PUM3: variants seen among roughly 807,000 people sequenced by gnomAD.
The protein encoded by PUM3 is pumilio homolog 3.
Under a neutral mutation model 84.0 loss-of-function variants are expected in PUM3, and 91 were observed. The observed-to-expected ratio is 1.08, with a 90% CI of 0.91 to 1.29. The LOEUF (loss-of-function observed/expected upper bound fraction) is 1.29, where lower values mean the gene tolerates loss of function less well. Ranked by LOEUF, PUM3 falls within the 50% of genes most tolerant of loss-of-function variation. PUM3 has a pLI of 0.00. For synonymous variants in PUM3, 321 were observed against 266.7 expected (o/e 1.20, Z -1.98); for missense variants, 1,067 against 767.5 (o/e 1.39, Z -4.61).
chr9:2,841,659 C>G (rs180896116), intron 1 of PUM3, among the ~76,000 whole-genome samples: 69 of 150,546 alleles, frequency 4.6e-4, no homozygotes, highest in Non-Finnish European at 8.8e-5. Context: ...GTTTTACTTG[C>G]TAACTTTAGC....
intron 12 of PUM3, among the ~76,000 whole-genome samples, chr9:2,821,427 G>C (rs1179624833): frequency 1.1e-5 from 1 of 88,906 alleles, no homozygotes; most frequent in Non-Finnish European, 2.1e-5. Context: ...CTGGGCGACA[G>C]AGCAAGACTC....
chr9:2,819,172 T>G (rs1229942509), intron 13 of PUM3, among the ~76,000 whole-genome samples: 1 of 152,234 alleles, frequency 6.6e-6, no homozygotes, highest in Non-Finnish European at 1.5e-5. Flanking sequence ...CCCACCCTGC[T>G]GCAACCTCTA....
intron 12 of PUM3, among the ~76,000 whole-genome samples, chr9:2,823,548 T>C (rs1757121866): frequency 6.6e-6 from 1 of 151,936 alleles, no homozygotes; most frequent in Non-Finnish European, 1.5e-5. Context: ...CTAATAAAAG[T>C]AGAGAACTAT....
chr9:2,808,406 C>T (rs1009340810), intron 16 of PUM3, among the ~76,000 whole-genome samples: 55 of 152,338 alleles, frequency 3.6e-4, no homozygotes, highest in African/African-American at 1.0e-3. Context: ...CTCTTTACAA[C>T]GCTTACATAC....
At chr9:2,829,319 G>C (rs903193366) in intron 8 of PUM3, among the ~76,000 whole-genome samples, 2 of 152,154 alleles carry the variant, frequency 1.3e-5, no homozygotes, top group Non-Finnish European at 2.9e-5. Context: ...CTCTATCCAA[G>C]GTTAGGTCTC....
intron 10 of PUM3, among the ~76,000 whole-genome samples, chr9:2,826,533 C>T (rs1472379048): frequency 6.6e-6 from 1 of 152,156 alleles, no homozygotes; most frequent in Non-Finnish European, 1.5e-5. Flanking sequence ...GGACAATGAG[C>T]TCACTGTATG....
At chr9:2,826,129 T>C (rs1815813766) in intron 10 of PUM3, among the ~76,000 whole-genome samples, 3 of 151,754 alleles carry the variant, frequency 2.0e-5, no homozygotes, top group African/African-American at 7.3e-5. Flanking sequence ...CTTTTGAAAA[T>C]GCCCCCAATA....
intron 5 of PUM3, among the ~76,000 whole-genome samples, chr9:2,831,610 A>G (rs1815983788): frequency 6.6e-6 from 1 of 152,192 alleles, no homozygotes; most frequent in Admixed American, 6.5e-5. Context: ...CATTGCAATT[A>G]AAACCAAAGC....
intron 12 of PUM3, among the ~76,000 whole-genome samples, chr9:2,821,153 A>C (rs1821580518): frequency 6.6e-6 from 1 of 152,150 alleles, no homozygotes; most frequent in Non-Finnish European, 1.5e-5. Flanking sequence ...AACCAACTAA[A>C]AATGGGCAAA....
intron 7 of PUM3, among the ~76,000 whole-genome samples, chr9:2,830,629 G>C (rs367728165): frequency 6.6e-6 from 1 of 152,126 alleles, no homozygotes. Context: ...TACTTCAAAA[G>C]TGCTTATCTG....
intron 2 of PUM3, 34 bp from the exon 3 acceptor site, chr9:2,837,435 C>G (rs1435765712): frequency 1.4e-6 from 2 of 1,410,578 alleles, no homozygotes; most frequent in Non-Finnish European, 2.0e-6. Context: ...TTCAATGATT[C>G]TGGGCCCAAA....
chr9:2,817,311 G>C (rs1821490250), intron 13 of PUM3, among the ~76,000 whole-genome samples: 2 of 152,078 alleles, frequency 1.3e-5, no homozygotes, highest in African/African-American at 4.8e-5. Flanking sequence ...TGGCCCATTG[G>C]TCAAATTCAG....
intron 10 of PUM3, 80 bp downstream of exon 10, chr9:2,826,993 C>T (rs1563831916): frequency 1.1e-5 from 12 of 1,054,900 alleles, no homozygotes; most frequent in Middle Eastern, 2.0e-4. Flanking sequence ...CACAAGACAA[C>T]GTACATCAAA....
At chr9:2,820,186 G>C in intron 12 of PUM3, 88 bp from the exon 13 acceptor site, 1 of 523,686 alleles carries the variant, frequency 1.9e-6, no homozygotes. Flanking sequence ...CATAAAGGTA[G>C]AGCGAGACTC....
At chr9:2,836,754 C>G (rs961033841) in intron 3 of PUM3, among the ~76,000 whole-genome samples, 11 of 152,004 alleles carry the variant, frequency 7.2e-5, no homozygotes, top group Admixed American at 1.3e-4. Flanking sequence ...TTCTTTAAAG[C>G]CAGATTCTAT....
chr9:2,830,155 A>T (rs1815937153), intron 7 of PUM3, among the ~76,000 whole-genome samples: 1 of 152,228 alleles, frequency 6.6e-6, no homozygotes, highest in South Asian at 2.1e-4. Flanking sequence ...GCTCGAAAAA[A>T]ACAGTAGGGC....
At chr9:2,807,257 C>T (rs1335846160) in intron 17 of PUM3, among the ~76,000 whole-genome samples, 1 of 150,272 alleles carries the variant, frequency 6.7e-6, no homozygotes, top group Non-Finnish European at 1.5e-5. Context: ...GGTGAAGCCA[C>T]CTGATACCTT....
chr9:2,824,432 ATAAAC>A (rs774689063), intron 11 of PUM3, among the ~76,000 whole-genome samples: 52 of 152,212 alleles, frequency 3.4e-4, no homozygotes, highest in Non-Finnish European at 3.1e-4. Context: ...CAAAACCTCT[ATAAAC>A]TAAAGCTTAA....
Position 2,827,001 on chromosome 9 carries a change from A to G in PUM3, c.1035+72T>C, listed in dbSNP as rs1416078856. On this transcript the variant is annotated intron_variant, in intron 10 of 17. Transcript: ENST00000397885. Reference sequence around the variant, plus strand: ...AAATTTCCACAAGACAACGTACATCAAAGCAGTTTTTCAAATTTCTACACC... The same window carrying G: ...AAATTTCCACAAGACAACGTACATCGAAGCAGTTTTTCAAATTTCTACACC... 3 of 1,160,456 alleles carry G rather than the reference A, an allele frequency of 2.6e-6. No homozygotes were observed. In the African/African-American group the frequency reaches 4.6e-5, roughly 18 times the overall value. The allele number at this position is 1,160,456 out of a possible 1,614,324, so 71.9% of individuals were successfully genotyped here.
Sources: gnomAD v4.1 joint callset for allele counts (sites outside exome capture counted in the v4.1 genomes callset) on GRCh38, gnomAD v4.1.1 for gene constraint, MANE v1.5 for transcripts, NCBI Gene and HGNC (gene_info 2026-07-23, HGNC 2026-07-21) for gene names.